The following SCARA3 variants were observed in gnomAD, a reference collection of about 807,000 sequenced individuals.
SCARA3 encodes cellular stress response gene protein.
A neutral mutation model predicts 47.0 loss-of-function variants in SCARA3; 39 were observed. The ratio of observed to expected loss-of-function variants is 0.83; its 90% confidence interval spans 0.64 to 1.08. The LOEUF (loss-of-function observed/expected upper bound fraction) is 1.08. Among genes scored for constraint, SCARA3 ranks in the 50% least tolerant of loss-of-function variants. The pLI, the probability that SCARA3 is intolerant of heterozygous loss-of-function variation, is 0.00. For missense variants in SCARA3, 724 were observed against 792.3 expected (o/e 0.91, Z 1.04); for synonymous variants, 356 against 334.1 (o/e 1.07, Z -0.71).
chr8:27,699,704 G>A, the SCARA3 span, among the ~76,000 whole-genome samples: 1 of 151,988 alleles, frequency 6.6e-6, no homozygotes, highest in Admixed American at 6.6e-5. Context: ...TCAGGCAGGA[G>A]GATCACTTGA....
the SCARA3 span, among the ~76,000 whole-genome samples, chr8:27,710,867 G>C: frequency 6.7e-6 from 1 of 149,240 alleles, no homozygotes; most frequent in Non-Finnish European, 1.5e-5. Context: ...CTGAAAGTTA[G>C]ATCTATAGAT....
rs767806429 is a variant in SCARA3, at chr8:27,658,946, C to A, written c.776C>A (p.Thr259Lys). 6.2e-7 allele frequency: 1 copy of A among 1,614,086 alleles called. No individual in the cohort carries two copies. The highest frequency in any genetic ancestry group is 8.5e-7 in the Non-Finnish European group (1 of 1,180,046). Residue 259 changes from threonine to lysine, a missense_variant, in exon 5 of 6, where the codon ACA becomes AAA. Transcript: ENST00000301904. ...ATTGTCACCGACTGGCAGAACTACACACGGCTCTTCAGCGGCCTGCGCACC... is the reference window on the plus strand; with the variant it reads ...ATTGTCACCGACTGGCAGAACTACAAACGGCTCTTCAGCGGCCTGCGCACC... The part of the protein sequence containing the change: ...QKIVTDWQNY[T>K]RLFSGLRTTS...
chr8:27,718,226 T>C, the SCARA3 span, among the ~76,000 whole-genome samples: 1 of 152,262 alleles, frequency 6.6e-6, no homozygotes, highest in Non-Finnish European at 1.5e-5. Flanking sequence ...CCCCCTCCTC[T>C]GTGCTCGCAG....
At chr8:27,681,180 A>C (rs1274468644), downstream of SCARA3, among the ~76,000 whole-genome samples, 1 of 152,210 alleles carries the variant, frequency 6.6e-6, no homozygotes, top group African/African-American at 2.4e-5. Flanking sequence ...ACTTATAAAA[A>C]ATGGAAAAGA....
At position 27,659,487 on chromosome 8, in the gene SCARA3, G is replaced by A. The variant is rs770870310; in HGVS notation, c.1317G>A (p.Lys439=). Reference sequence around the variant, plus strand: ...TCTCCATGATCGTGGAGGAGATGAAGGCAGTGGACACACAGCATGGAGAAA... The same window carrying A: ...TCTCCATGATCGTGGAGGAGATGAAAGCAGTGGACACACAGCATGGAGAAA... ...RNLSMIVEEM[K]AVDTQHGEIL... Residue 439 remains lysine (K), a synonymous_variant, in exon 5 of 6, where the codon AAG becomes AAA. Coordinates refer to ENST00000301904, the MANE Select transcript of SCARA3 (RefSeq NM_016240.3). 17 of 1,613,928 alleles carry A rather than the reference G, an allele frequency of 1.1e-5. No homozygotes were observed. In the Admixed American group the frequency reaches 2.8e-4, roughly 27 times the overall value.
the SCARA3 span, among the ~76,000 whole-genome samples, chr8:27,707,447 T>A: frequency 2.7e-5 from 4 of 146,520 alleles, no homozygotes; most frequent in African/African-American, 7.6e-5. Context: ...AAAGGAACAA[T>A]CATTTAATAA....
the SCARA3 span, among the ~76,000 whole-genome samples, chr8:27,694,003 A>G: frequency 6.6e-6 from 1 of 152,226 alleles, no homozygotes; most frequent in African/African-American, 2.4e-5. Context: ...TTTGGGCACA[A>G]GTCATCAGGA....
At chr8:27,657,874 T>C (rs534949883) in intron 4 of SCARA3, among the ~76,000 whole-genome samples, 1 of 152,264 alleles carries the variant, frequency 6.6e-6, no homozygotes, top group African/African-American at 2.4e-5. Flanking sequence ...CACTTATAAG[T>C]GAGAGCATGT....
chr8:27,708,413 C>G, the SCARA3 span, among the ~76,000 whole-genome samples: 9 of 152,092 alleles, frequency 5.9e-5, no homozygotes, highest in Non-Finnish European at 1.3e-4. Context: ...TAAACCCTGA[C>G]TGCTAACTTA....
intron 1 of SCARA3, 34 bp downstream of exon 1, chr8:27,634,241 G>A (rs1008410881): frequency 1.1e-5 from 15 of 1,336,082 alleles, no homozygotes; most frequent in Non-Finnish European, 1.4e-5. Context: ...GCTCCGAGGG[G>A]GGCCGCCTGC....
chr8:27,665,766 T>C (rs1021271262), intron 5 of SCARA3, among the ~76,000 whole-genome samples: 26 of 152,238 alleles, frequency 1.7e-4, no homozygotes, highest in Non-Finnish European at 3.1e-4. Context: ...GTGTTCACAA[T>C]GGGTGTGAAC....
intron 5 of SCARA3, among the ~76,000 whole-genome samples, chr8:27,668,546 C>CAAAAAAAAAAAAAAAA (rs61162841): frequency 3.4e-4 from 24 of 69,792 alleles, no homozygotes; most frequent in African/African-American, 6.6e-4. Context: ...GACTCCGTCT[C>CAAAAAAAAAAAAAAAA]AAAAAAAAAA....
chr8:27,672,464 G>A lies in SCARA3; in HGVS notation c.*1113G>A. Reference sequence around the variant, plus strand: ...AAGGGGGCTCCTCTGGAGTGGTGGGGAGGATTAGGCTGCAGAAGGGCCAAC... The same window carrying A: ...AAGGGGGCTCCTCTGGAGTGGTGGGAAGGATTAGGCTGCAGAAGGGCCAAC... On this transcript the variant is annotated 3_prime_UTR_variant, in exon 6 of 6. Coordinates refer to ENST00000301904, the MANE Select transcript of SCARA3 (RefSeq NM_016240.3). 1 of 985,672 alleles carries A rather than the reference G, an allele frequency of 1.0e-6. No individual in the cohort carries two copies. The highest frequency in any genetic ancestry group is 1.2e-6 in the Non-Finnish European group (1 of 830,122). The allele number at this position is 985,672 out of a possible 1,614,324, so 61.1% of individuals were successfully genotyped here.
chr8:27,662,585 G>A (rs1240288752), intron 5 of SCARA3, among the ~76,000 whole-genome samples: 2 of 152,182 alleles, frequency 1.3e-5, no homozygotes, highest in Non-Finnish European at 1.5e-5. Flanking sequence ...TCTATATCCA[G>A]GGCAAGCGTC....
At chr8:27,684,871 C>G in the SCARA3 span, among the ~76,000 whole-genome samples, 1 of 151,806 alleles carries the variant, frequency 6.6e-6, no homozygotes, top group Non-Finnish European at 1.5e-5. Flanking sequence ...CACTACACTC[C>G]AGCCTGGGCA....
chr8:27,711,450 C>T, the SCARA3 span, among the ~76,000 whole-genome samples: 2 of 152,166 alleles, frequency 1.3e-5, no homozygotes, highest in Non-Finnish European at 2.9e-5. Flanking sequence ...CTGAACCAAC[C>T]TCAGTAGTCT....
chr8:27,721,943 G>A, the SCARA3 span, among the ~76,000 whole-genome samples: 1 of 152,060 alleles, frequency 6.6e-6, no homozygotes, highest in Non-Finnish European at 1.5e-5. Context: ...ACAAAAATTA[G>A]CCAGGAGTGG....
At chr8:27,690,544 T>A in the SCARA3 span, among the ~76,000 whole-genome samples, 1 of 152,192 alleles carries the variant, frequency 6.6e-6, no homozygotes, top group Non-Finnish European at 1.5e-5. Context: ...ATTTCTAAGA[T>A]GGAAAATTAT....
At chr8:27,641,897 G>A (rs1348186391) in intron 1 of SCARA3, among the ~76,000 whole-genome samples, 3 of 152,216 alleles carry the variant, frequency 2.0e-5, no homozygotes, top group Admixed American at 2.0e-4. Flanking sequence ...TGATGTCATT[G>A]TCCAGAACAG....
Sources: gnomAD v4.1 joint callset for allele counts (sites outside exome capture counted in the v4.1 genomes callset) on GRCh38, gnomAD v4.1.1 for gene constraint, MANE v1.5 for transcripts, NCBI Gene and HGNC (gene_info 2026-07-23, HGNC 2026-07-21) for gene names.